The following HECW1 variants were observed in gnomAD, a reference collection of about 807,000 sequenced individuals.
HECW1 encodes HECT, C2 and WW domain containing E3 ubiquitin protein ligase 1.
Under a neutral mutation model 182.3 loss-of-function variants are expected in HECW1, and 61 were observed. The observed-to-expected ratio is 0.33, with a 90% CI of 0.27 to 0.41. HECW1 has a LOEUF of 0.41. Ranked by LOEUF, HECW1 falls within the 10% of genes least tolerant of loss-of-function variation. The pLI is 1.00. For missense variants in HECW1, 1,739 were observed against 2,108.9 expected (o/e 0.82, Z 3.44); for synonymous variants, 859 against 832.6 (o/e 1.03, Z -0.55).
intron 19 of HECW1, 72 bp downstream of exon 19, chr7:43,493,252 G>A (rs1399267647): frequency 4.2e-6 from 4 of 949,260 alleles, no homozygotes; most frequent in South Asian, 1.4e-5. Context: ...AAACACCTCT[G>A]TGGAGACAGA....
intron 2 of HECW1, among the ~76,000 whole-genome samples, chr7:43,208,214 A>G (rs1583976062): frequency 6.6e-6 from 1 of 152,082 alleles, no homozygotes; most frequent in East Asian, 1.9e-4. Flanking sequence ...TCTTTTTTCC[A>G]ATAGACTAAT....
intron 5 of HECW1, among the ~76,000 whole-genome samples, chr7:43,332,008 A>C (rs1362797204): frequency 1.3e-5 from 2 of 152,136 alleles, no homozygotes; most frequent in African/African-American, 2.4e-5. Context: ...GGGTGGGATG[A>C]CCAGAAGTGT....
chr7:43,373,516 T>A (rs913222860), intron 6 of HECW1, among the ~76,000 whole-genome samples: 8 of 152,194 alleles, frequency 5.3e-5, no homozygotes, highest in African/African-American at 1.7e-4. Context: ...CTGTTTTTTT[T>A]AAACTTATTT....
chr7:43,133,237 G>T (rs1787152775), intron 2 of HECW1, among the ~76,000 whole-genome samples: 1 of 151,536 alleles, frequency 6.6e-6, no homozygotes, highest in Non-Finnish European at 1.5e-5. Flanking sequence ...ACTTACATAT[G>T]AAATATATAC....
intron 3 of HECW1, among the ~76,000 whole-genome samples, chr7:43,278,947 C>A (rs757536127): frequency 2.0e-5 from 3 of 152,192 alleles, no homozygotes; most frequent in Non-Finnish European, 4.4e-5. Context: ...TCTGTGAGGA[C>A]AGAAATTTCT....
chr7:43,164,355 G>A (rs1790867171), intron 2 of HECW1, among the ~76,000 whole-genome samples: 1 of 152,226 alleles, frequency 6.6e-6, no homozygotes, highest in African/African-American at 2.4e-5. Flanking sequence ...CCAATAAAAT[G>A]TTAGCACATA....
intron 3 of HECW1, among the ~76,000 whole-genome samples, chr7:43,306,436 G>C (rs1807583009): frequency 6.6e-6 from 1 of 151,778 alleles, no homozygotes; most frequent in Non-Finnish European, 1.5e-5. Context: ...CCGAGTGTAG[G>C]ATAGCAAAAG....
In HECW1 at chr7:43,445,175, A is replaced by G. The variant is rs1002223591; in HGVS notation, c.2003A>G (p.His668Arg). 7 of 1,611,614 alleles carry G rather than the reference A, an allele frequency of 4.3e-6. No homozygotes were observed. The highest frequency in any genetic ancestry group is 2.7e-5 in the African/African-American group (2 of 74,916). Residue 668 changes from histidine to arginine, a missense_variant, in exon 11 of 30, where the codon CAC (histidine) becomes CGC (arginine). By Grantham distance (29) the His-to-Arg change is conservative (BLOSUM62 0). Transcript: ENST00000395891. ...TCCAGCCCCAGGCAAGGCGGGGACC[A>G]CAGTTGCGAGGGCTGTGACGCGTCC... ...SDSSPRQGGD[H>R]SCEGCDASCC...
chr7:43,513,302 C>T (rs901652561), intron 24 of HECW1, among the ~76,000 whole-genome samples: 12 of 152,204 alleles, frequency 7.9e-5, no homozygotes, highest in African/African-American at 2.7e-4. Context: ...CTGCTCTCCA[C>T]GACGCGTGAA....
chr7:43,389,029 G>A (rs1037045302), intron 6 of HECW1, among the ~76,000 whole-genome samples: 1 of 152,206 alleles, frequency 6.6e-6, no homozygotes, highest in Non-Finnish European at 1.5e-5. Context: ...AAAGAAGCAG[G>A]TCATTGTTTC....
chr7:43,235,690 T>C (rs952710284), intron 2 of HECW1, among the ~76,000 whole-genome samples: 6 of 152,288 alleles, frequency 3.9e-5, no homozygotes, highest in Admixed American at 1.3e-4. Flanking sequence ...ACTAACAAGA[T>C]ACGTGAATCT....
intron 19 of HECW1, 94 bp from the exon 20 acceptor site, chr7:43,500,605 A>C: frequency 1.0e-6 from 1 of 975,184 alleles, no homozygotes; most frequent in East Asian, 2.4e-5. Flanking sequence ...GCTATTCAGC[A>C]GTATTGGAAG....
Position 43,445,123 on chromosome 7 carries a change from C to A in HECW1, c.1951C>A (p.His651Asn). ...TGGCGCGGCCCAGGATGGCGACACGCACCCCAGCACCGGGAGCGAGAGCGA... is the reference window on the plus strand; with the variant it reads ...TGGCGCGGCCCAGGATGGCGACACGAACCCCAGCACCGGGAGCGAGAGCGA... ...ANGAAQDGDTHPSTGSESDSS... is the reference protein window; with the variant it reads ...ANGAAQDGDTNPSTGSESDSS... Residue 651 changes from histidine (H) to asparagine (N), a missense_variant, in exon 11 of 30, where the codon CAC becomes AAC. Coordinates refer to ENST00000395891, the MANE Select transcript of HECW1 (RefSeq NM_015052.5). 1 of 1,608,638 alleles carries A rather than the reference C, an allele frequency of 6.2e-7. No individual in the cohort carries two copies. The highest frequency in any genetic ancestry group is 8.5e-7 in the Non-Finnish European group (1 of 1,178,608).
At chr7:43,196,569 A>C (rs1242264720) in intron 2 of HECW1, among the ~76,000 whole-genome samples, 1 of 152,200 alleles carries the variant, frequency 6.6e-6, no homozygotes, top group Non-Finnish European at 1.5e-5. Flanking sequence ...CTGCATATGC[A>C]TGAATCTCTT....
intron 3 of HECW1, among the ~76,000 whole-genome samples, chr7:43,250,610 C>T (rs184788003): frequency 6.6e-6 from 1 of 152,256 alleles, no homozygotes; most frequent in African/African-American, 2.4e-5. Context: ...TGTGTACCTG[C>T]CCTGCCTTGT....
chr7:43,278,306 T>A (rs951705845), intron 3 of HECW1, among the ~76,000 whole-genome samples: 2 of 152,164 alleles, frequency 1.3e-5, no homozygotes, highest in Non-Finnish European at 2.9e-5. Context: ...GGTGTCATCC[T>A]TGACTCATCC....
At chr7:43,448,896 C>T (rs1017342733) in intron 11 of HECW1, among the ~76,000 whole-genome samples, 2 of 152,186 alleles carry the variant, frequency 1.3e-5, no homozygotes, top group African/African-American at 4.8e-5. Context: ...GTGTTTGAGG[C>T]AAGGGTGATG....
chr7:43,488,391 GA>G (rs2078751670), intron 17 of HECW1, among the ~76,000 whole-genome samples: 1 of 55,828 alleles, frequency 1.8e-5, no homozygotes, highest in Non-Finnish European at 3.7e-5. Context: ...AGGAAGGAAG[GA>G]AGGAAGGAAA....
At chr7:43,552,105 C>CAA (rs1274692906) in intron 27 of HECW1, 117 bp from the exon 28 acceptor site, 7 of 671,236 alleles carry the variant, frequency 1.0e-5, no homozygotes, top group Non-Finnish European at 1.9e-5. Flanking sequence ...ATTACAGACT[C>CAA]AAAAAAAGTA....
Sources: allele counts gnomAD v4.1 joint callset (sites outside exome capture counted in the v4.1 genomes callset), GRCh38; gene constraint gnomAD v4.1.1; transcripts MANE v1.5; gene names NCBI Gene and HGNC (gene_info 2026-07-23, HGNC 2026-07-21).